CDH15: variants seen among roughly 807,000 people sequenced by gnomAD.
The protein encoded by CDH15 is cadherin 15, also known as cadherin-15.
CDH15 carries 73 observed loss-of-function variants against 69.4 expected under a neutral mutation model. That is an observed-to-expected ratio of 1.05 (90% CI 0.87 to 1.28). The LOEUF is 1.28. Ranked by LOEUF, CDH15 falls within the 50% of genes most tolerant of loss-of-function variation. The pLI is 0.00. For missense variants in CDH15, 1,343 were observed against 1,133.6 expected (o/e 1.18, Z -2.65); for synonymous variants, 624 against 507.7 (o/e 1.23, Z -3.08).
intron 9 of CDH15, 44 bp from the exon 10 acceptor site, chr16:89,191,611 G>T (rs546079142): frequency 6.4e-7 from 1 of 1,569,372 alleles, no homozygotes; most frequent in Non-Finnish European, 8.6e-7. Context: ...GGTGGGGCAG[G>T]CTGGGGTGTT....
At chr16:89,186,740 G>A (rs1350534215) in intron 5 of CDH15, among the ~76,000 whole-genome samples, 23 of 143,322 alleles carry the variant, frequency 1.6e-4, no homozygotes, top group Admixed American at 1.0e-3. Context: ...CTCACCCAGC[G>A]CACAGAAGGT....
intron 5 of CDH15, chr16:89,185,679 T>C: frequency 2.7e-6 from 1 of 376,770 alleles, no homozygotes; most frequent in South Asian, 2.5e-5. Flanking sequence ...CCCCTTGCTG[T>C]CGGACTTCGG....
intron 11 of CDH15, 71 bp downstream of exon 11, chr16:89,192,515 A>G: frequency 3.9e-6 from 6 of 1,524,470 alleles, no homozygotes; most frequent in Non-Finnish European, 5.3e-6. Context: ...GTCCCCTGCT[A>G]ACCAGCCACG....
chr16:89,190,289 T>G lies in CDH15; in HGVS notation c.1025T>G (p.Val342Gly), dbSNP rs780817986. 6.2e-7 allele frequency: 1 copy of G among 1,612,682 alleles called. No homozygotes were observed. The highest frequency in any genetic ancestry group is 8.5e-7 in the Non-Finnish European group (1 of 1,179,892). ...GAACACTACGAACTCAAAGTGTCGGTGCAGAATGAGGCCCCGCTGCAGGCG... is the reference window on the plus strand; with the variant it reads ...GAACACTACGAACTCAAAGTGTCGGGGCAGAATGAGGCCCCGCTGCAGGCG... ...SCEHYELKVS[V>G]QNEAPLQAAA... The change falls in exon 8 of 14, where the codon GTG becomes GGG. Residue 342 changes from valine (V) to glycine (G), a missense_variant. Transcript: ENST00000289746.
chr16:89,193,298 A>T lies in CDH15; in HGVS notation c.1856-172A>T, dbSNP rs542837070. Among the ~76,000 whole-genome samples, 195 of 129,642 alleles carry T rather than the reference A, an allele frequency of 1.5e-3. 1 individual carries two copies. Among genetic ancestry groups the T allele is most frequent in the African/African-American group, 5.2e-3 (172 of 32,960 alleles). The allele number at this position is 129,642 out of a possible 152,430, so 85.1% of individuals were successfully genotyped here. On this transcript the variant is annotated intron_variant, in intron 11 of 13. Transcript: ENST00000289746. ...CCCTAACCTCGCGGCTTCCTCCCCAACCCCGGCTCCTCCATGCCAGACACG... is the reference window on the plus strand; with the variant it reads ...CCCTAACCTCGCGGCTTCCTCCCCATCCCCGGCTCCTCCATGCCAGACACG...
chr16:89,180,191 G>C lies in CDH15; in HGVS notation c.202-9G>C, dbSNP rs1162134914. ...GCAGCTCTCCCCAAACCCATTTCCT[G>C]CCCCACAGATCAAGTCGGACAAGCA... On this transcript the variant is annotated splice_polypyrimidine_tract_variant and intron_variant, in intron 2 of 13. Transcript: ENST00000289746. The C allele has an allele frequency of 6.2e-7, 1 of 1,610,268 alleles. No individual in the cohort carries two copies. Among genetic ancestry groups the C allele is most frequent in the East Asian group, 2.2e-5 (1 of 44,788 alleles).
chr16:89,185,517 C>T (rs774242184), intron 5 of CDH15, 184 bp downstream of exon 5: 9 of 742,706 alleles, frequency 1.2e-5, no homozygotes, highest in East Asian at 5.4e-5. Context: ...AGACAGGAGC[C>T]GCGCTGGCCC....
intron 6 of CDH15, 96 bp from the exon 7 acceptor site, chr16:89,188,004 A>G (rs1245858097): frequency 1.1e-6 from 1 of 877,726 alleles, no homozygotes; most frequent in African/African-American, 5.1e-5. Context: ...GGCAGGAGGG[A>G]GGGTGGGAGG....
chr16:89,191,606 G>A, intron 9 of CDH15, 49 bp from the exon 10 acceptor site: 3 of 1,568,950 alleles, frequency 1.9e-6, no homozygotes, highest in Non-Finnish European at 2.6e-6. Context: ...CGACTGGTGG[G>A]GCAGGCTGGG....
At chr16:89,190,553 T>G (rs1597311143) in intron 8 of CDH15, 57 bp downstream of exon 8, 1 of 1,551,454 alleles carries the variant, frequency 6.4e-7, no homozygotes, top group African/African-American at 1.4e-5. Flanking sequence ...CATTCCTGCT[T>G]CGGGTGCCCC....
Position 89,193,493 on chromosome 16 carries a change from CG to C in CDH15, c.1882del (p.Ala628ArgfsTer51). The C allele has an allele frequency of 1.2e-6, 2 of 1,611,668 alleles. No homozygotes were observed. Among genetic ancestry groups the C allele is most frequent in the Non-Finnish European group, 1.7e-6 (2 of 1,179,642 alleles). On this transcript the variant is annotated frameshift_variant, in exon 12 of 14. Coordinates refer to ENST00000289746, the MANE Select transcript of CDH15 (RefSeq NM_004933.3). LOFTEE classifies it high-confidence loss of function. ...AGTGCTGGTCCTGCTCGTGGCACTC[CG>C]GGCGCGGTTCTGGAAGCAGTCTCGG... ...LLVLVLLVAL[R>X]ARFWKQSRGK...
chr16:89,184,151 C>T (rs1052327259), intron 4 of CDH15, among the ~76,000 whole-genome samples: 3 of 152,218 alleles, frequency 2.0e-5, no homozygotes, highest in African/African-American at 7.2e-5. Flanking sequence ...CAGGCCCCCT[C>T]GTGTCTGAGG....
rs1915330380 is a variant in CDH15 at position 89,179,562 on chromosome 16, C to T, written c.189C>T (p.Tyr63=). The change falls in exon 2 of 14, where the codon TAC becomes TAT. Residue 63 remains tyrosine (Y), a synonymous_variant. Transcript: ENST00000289746. The part of the protein sequence containing the change: ...SVSENHKRLP[Y]PLVQIKSDKQ... Reference sequence around the variant, plus strand: ...CCGAGAACCACAAGCGTCTCCCCTACCCCCTGGTTCAGGTGAGCAGGTGGA... The same window carrying T: ...CCGAGAACCACAAGCGTCTCCCCTATCCCCTGGTTCAGGTGAGCAGGTGGA... 5 of 1,592,706 alleles carry T rather than the reference C, an allele frequency of 3.1e-6. No homozygotes were observed. Among genetic ancestry groups the T allele is most frequent in the African/African-American group, 1.3e-5 (1 of 74,202 alleles).
chr16:89,188,682 GCA>G (rs1915555063), intron 7 of CDH15, among the ~76,000 whole-genome samples: 1 of 89,130 alleles, frequency 1.1e-5, no homozygotes, highest in African/African-American at 4.5e-5. Flanking sequence ...ACAGATGCCG[GCA>G]CACACAGATG....
intron 5 of CDH15, chr16:89,185,600 C>T (rs1323229300): frequency 1.8e-6 from 1 of 545,810 alleles, no homozygotes; most frequent in South Asian, 2.1e-5. Context: ...GCAGCCCCGC[C>T]CCTCTCAGCC....
Position 89,191,966 on chromosome 16 carries a change from G to A in CDH15, c.1615+72G>A, listed in dbSNP as rs1915657240. On this transcript the variant is annotated intron_variant, in intron 10 of 13. Transcript: ENST00000289746. ...CACCCCCACATTCCGGCCTCGGACG[G>A]GGGCAGGAGGGTGAGGGGCATGCAA... is the stretch of plus-strand genomic sequence containing the variant. 2.8e-6 allele frequency: 4 copies of A among 1,417,802 alleles called. No individual in the cohort carries two copies. The South Asian group carries it at 5.2e-5, about 18-fold the overall frequency. The allele number at this position is 1,417,802 out of a possible 1,614,324, so 87.8% of individuals were successfully genotyped here. A position where few individuals can be genotyped will look rare whatever the true frequency, so the allele number is the denominator to read the frequency against.
intron 8 of CDH15, among the ~76,000 whole-genome samples, chr16:89,190,920 G>A (rs1161459210): frequency 2.0e-5 from 3 of 152,180 alleles, no homozygotes; most frequent in African/African-American, 7.2e-5. Context: ...TGCCCTCCCT[G>A]AGCCTCAGTT....
chr16:89,183,829 G>A (rs1379491548), intron 4 of CDH15, 137 bp downstream of exon 4: 5 of 888,236 alleles, frequency 5.6e-6, no homozygotes, highest in African/African-American at 1.7e-5. Flanking sequence ...AGGCAGGTCC[G>A]TTTCCACAGG....
chr16:89,191,321 C>T lies in CDH15; in HGVS notation c.1233-9C>T. 3.7e-6 allele frequency: 6 copies of T among 1,612,776 alleles called. No homozygotes were observed. Among genetic ancestry groups the T allele is most frequent in the Non-Finnish European group, 5.1e-6 (6 of 1,179,996 alleles). ...ACTCAGATCCCACTCTTCCCCTCCCCTGCATCAGCTACTCCAAGGACTACG... is the reference window on the plus strand; with the variant it reads ...ACTCAGATCCCACTCTTCCCCTCCCTTGCATCAGCTACTCCAAGGACTACG... On this transcript the variant is annotated splice_polypyrimidine_tract_variant and intron_variant, in intron 8 of 13. Transcript: ENST00000289746.
Sources: gnomAD v4.1 joint callset for allele counts (sites outside exome capture counted in the v4.1 genomes callset) on GRCh38, gnomAD v4.1.1 for gene constraint, MANE v1.5 for transcripts, NCBI Gene and HGNC (gene_info 2026-07-23, HGNC 2026-07-21) for gene names.